Variants in OPRM1 observed in about 807,000 individuals in gnomAD.
OPRM1 encodes the protein mu-type opioid receptor.
OPRM1 carries 27 observed loss-of-function variants against 31.8 expected under a neutral mutation model. The observed-to-expected ratio is 0.85, with a 90% CI of 0.63 to 1.17. The LOEUF (loss-of-function observed/expected upper bound fraction) is 1.17, where lower values mean the gene tolerates loss of function less well. Among genes scored for constraint, OPRM1 ranks in the 50% most tolerant of loss-of-function variants. OPRM1 has a pLI of 0.00. For missense variants in OPRM1, 536 were observed against 511.1 expected (o/e 1.05, Z -0.47); for synonymous variants, 196 against 189.9 (o/e 1.03, Z -0.26).
chr6:154,090,514 T>C (rs1465526546), intron 2 of OPRM1, among the ~76,000 whole-genome samples: 1 of 152,216 alleles, frequency 6.6e-6, no homozygotes, highest in Non-Finnish European at 1.5e-5. Flanking sequence ...TTTAAAATTA[T>C]CAAGTGGCTG....
intron 1 of OPRM1, among the ~76,000 whole-genome samples, chr6:154,058,053 C>CA (rs1783669633): frequency 6.6e-6 from 1 of 152,150 alleles, no homozygotes. Context: ...GTATATTTGT[C>CA]AATGCCACAA....
chr6:154,044,017 T>C (rs1780604886), intron 1 of OPRM1, among the ~76,000 whole-genome samples: 3 of 152,128 alleles, frequency 2.0e-5, no homozygotes. Context: ...CTTTTCTTTC[T>C]TGAAAGAATG....
chr6:154,199,884 C>T (rs1776925475), intron 3 of OPRM1: 1 of 1,614,192 alleles, frequency 6.2e-7, no homozygotes, highest in Non-Finnish European at 8.5e-7. Context: ...TCATCTTCAG[C>T]AGCAGACAAA....
chr6:154,073,137 T>C (rs529120847), intron 1 of OPRM1, among the ~76,000 whole-genome samples: 3 of 152,274 alleles, frequency 2.0e-5, no homozygotes, highest in South Asian at 2.1e-4. Flanking sequence ...GGTTCTCCCA[T>C]TGCAGATAAA....
At chr6:154,138,468 G>A (rs1008097915) in intron 3 of OPRM1, among the ~76,000 whole-genome samples, 6 of 152,136 alleles carry the variant, frequency 3.9e-5, no homozygotes, top group Non-Finnish European at 7.3e-5. Flanking sequence ...AAGTCCTCCC[G>A]GTAAGGCTCA....
intron 3 of OPRM1, among the ~76,000 whole-genome samples, chr6:154,215,921 G>A (rs1249020144): frequency 6.6e-6 from 1 of 152,056 alleles, no homozygotes; most frequent in Non-Finnish European, 1.5e-5. Context: ...TCAAACACAG[G>A]AAAATATTTT....
At chr6:154,019,641 C>T (rs538295686) in intron 1 of OPRM1, among the ~76,000 whole-genome samples, 1 of 152,164 alleles carries the variant, frequency 6.6e-6, no homozygotes, top group African/African-American at 2.4e-5. Context: ...TGGTTGAAGT[C>T]ACACAGTACA....
At chr6:154,029,851 C>A (rs545803652) in intron 1 of OPRM1, among the ~76,000 whole-genome samples, 2 of 152,126 alleles carry the variant, frequency 1.3e-5, no homozygotes, top group Non-Finnish European at 1.5e-5. Context: ...TTCTCCTTGC[C>A]GCTGCCATGT....
intron 1 of OPRM1, among the ~76,000 whole-genome samples, chr6:154,084,455 A>C (rs1027129713): frequency 3.3e-5 from 5 of 151,716 alleles, no homozygotes; most frequent in Non-Finnish European, 7.4e-5. Context: ...GTAAAAACGC[A>C]CCTGGGATAT....
intron 1 of OPRM1, among the ~76,000 whole-genome samples, chr6:154,066,149 A>G (rs1583322748): frequency 6.6e-6 from 1 of 152,126 alleles, no homozygotes; most frequent in Non-Finnish European, 1.5e-5. Context: ...TCCTCTCAAT[A>G]TGCTGTAGAA....
chr6:154,080,408 C>T (rs775469734), intron 1 of OPRM1, among the ~76,000 whole-genome samples: 6 of 152,242 alleles, frequency 3.9e-5, no homozygotes, highest in African/African-American at 7.2e-5. Flanking sequence ...TATAGTCAGA[C>T]GAGAATTGAT....
chr6:154,193,638 A>G (rs762430067), intron 3 of OPRM1, among the ~76,000 whole-genome samples: 1 of 152,242 alleles, frequency 6.6e-6, no homozygotes, highest in Non-Finnish European at 1.5e-5. Flanking sequence ...ACAAGAAGTT[A>G]TAAGAAAGAG....
chr6:154,167,100 C>T (rs1026643040), intron 3 of OPRM1, among the ~76,000 whole-genome samples: 4 of 152,166 alleles, frequency 2.6e-5, no homozygotes, highest in Non-Finnish European at 4.4e-5. Flanking sequence ...TGGAAAATGA[C>T]TTAAGTTCTT....
chr6:154,152,143 C>A (rs550796159), intron 3 of OPRM1, among the ~76,000 whole-genome samples: 1 of 133,352 alleles, frequency 7.5e-6, no homozygotes, highest in East Asian at 2.1e-4. Context: ...CGCCACTGCA[C>A]TCCAGCCAAC....
chr6:154,034,986 T>C (rs1210985905), upstream of OPRM1, among the ~76,000 whole-genome samples: 2 of 152,210 alleles, frequency 1.3e-5, no homozygotes. Flanking sequence ...GTGTATTATT[T>C]ATAATAATTC....
Position 154,091,331 on chromosome 6 carries a change from G to A in OPRM1, c.1023G>A (p.Leu341=), listed in dbSNP as rs1237381215. 4 of 1,614,008 alleles carry A rather than the reference G, an allele frequency of 2.5e-6. No homozygotes were observed. Among genetic ancestry groups the A allele is most frequent in the Non-Finnish European group, 3.4e-6 (4 of 1,180,048 alleles). ...SCLNPVLYAF[L]DENFKRCFRE... is the part of the protein sequence containing the mutation. Reference sequence around the variant, plus strand: ...TCAACCCAGTCCTTTATGCATTTCTGGATGAAAACTTCAAACGATGCTTCA... The same window carrying A: ...TCAACCCAGTCCTTTATGCATTTCTAGATGAAAACTTCAAACGATGCTTCA... Residue 341 remains leucine (L), a synonymous_variant, in exon 3 of 4, where the codon CTG becomes CTA. Transcript: ENST00000330432.
In OPRM1 at chr6:154,047,391, A is replaced by G. The variant is rs569445400; in HGVS notation, c.290+7557A>G. Among the ~76,000 whole-genome samples the G allele has an allele frequency of 9.2e-5, 14 of 152,110 alleles. No individual in the cohort carries two copies. The East Asian group carries it at 2.3e-3, about 25-fold the overall frequency. On this transcript the variant is annotated intron_variant, in intron 1 of 3. Coordinates refer to ENST00000330432, the MANE Select transcript of OPRM1 (RefSeq NM_000914.5). Reference sequence around the variant, plus strand: ...TGTGCTGCCTCCTTAAGGGTTAGGAACGCATAACCTAAAAGCGTGACTGGC... The same window carrying G: ...TGTGCTGCCTCCTTAAGGGTTAGGAGCGCATAACCTAAAAGCGTGACTGGC...
At position 154,124,881 on chromosome 6, in the gene OPRM1, C is replaced by G. The variant is rs1159201703; in HGVS notation, c.*6160C>G. Among the ~76,000 whole-genome samples, 1 of 152,166 alleles carries G rather than the reference C, an allele frequency of 6.6e-6. No homozygotes were observed. The highest frequency in any genetic ancestry group is 1.5e-5 in the Non-Finnish European group (1 of 68,038). On this transcript the variant is annotated 3_prime_UTR_variant, in exon 4 of 4. Transcript: ENST00000330432. ...TAGAGAAAGTAGTTCACCTCACTAC[C>G]TTTTATCCAAAGAAATTATCTCTAA...
chr6:154,182,992 T>A (rs1801027426), intron 3 of OPRM1, among the ~76,000 whole-genome samples: 1 of 149,682 alleles, frequency 6.7e-6, no homozygotes, highest in Non-Finnish European at 1.5e-5. Flanking sequence ...TTTTTTCTTT[T>A]TTTTTGAGAC....
Sources: gnomAD v4.1 joint callset for allele counts (sites outside exome capture counted in the v4.1 genomes callset) on GRCh38, gnomAD v4.1.1 for gene constraint, MANE v1.5 for transcripts, NCBI Gene and HGNC (gene_info 2026-07-23, HGNC 2026-07-21) for gene names.